TTC27: variants seen among roughly 807,000 people sequenced by gnomAD.
The protein encoded by TTC27 is tetratricopeptide repeat domain 27.
Under a neutral mutation model 115.9 loss-of-function variants are expected in TTC27, and 79 were observed. That is an observed-to-expected ratio of 0.68 (90% CI 0.57 to 0.82). The LOEUF (loss-of-function observed/expected upper bound fraction) is 0.82. TTC27 is among the 40% of genes least tolerant of loss of function. The pLI is 0.00. For synonymous variants in TTC27, 401 were observed against 356.0 expected (o/e 1.13, Z -1.42); for missense variants, 1,054 against 993.1 (o/e 1.06, Z -0.82).
At position 32,786,969 on chromosome 2, in the gene TTC27, T is replaced by G; in HGVS notation, c.1833-15T>G. ...GAGTTCATTATTGCTCTCTTTAAAATTTGACCTTCAATAGAGTAAAAGCTT... is the reference window on the plus strand; with the variant it reads ...GAGTTCATTATTGCTCTCTTTAAAAGTTGACCTTCAATAGAGTAAAAGCTT... On this transcript the variant is annotated splice_polypyrimidine_tract_variant and intron_variant, in intron 15 of 19. Transcript: ENST00000317907. 1 of 1,594,162 alleles carries G rather than the reference T, an allele frequency of 6.3e-7. No individual in the cohort carries two copies. Among genetic ancestry groups the G allele is most frequent in the Non-Finnish European group, 8.5e-7 (1 of 1,174,262 alleles).
intron 16 of TTC27, among the ~76,000 whole-genome samples, chr2:32,796,797 C>CA (rs1670715977): frequency 6.6e-6 from 1 of 152,142 alleles, no homozygotes; most frequent in Admixed American, 6.5e-5. Context: ...GGCATAAAGA[C>CA]AGACATACAG....
intron 5 of TTC27, among the ~76,000 whole-genome samples, chr2:32,651,432 C>T (rs1328377348): frequency 2.6e-5 from 4 of 152,098 alleles, no homozygotes; most frequent in South Asian, 4.1e-4. Flanking sequence ...CTGCAACCTC[C>T]GCCTCCCGGG....
intron 5 of TTC27, among the ~76,000 whole-genome samples, chr2:32,653,842 A>G (rs1665223038): frequency 6.6e-6 from 1 of 152,190 alleles, no homozygotes; most frequent in Non-Finnish European, 1.5e-5. Context: ...AAGGTCACAA[A>G]TATTCATTTC....
At chr2:32,800,989 C>CA (rs1670912343) in intron 16 of TTC27, among the ~76,000 whole-genome samples, 1 of 152,314 alleles carries the variant, frequency 6.6e-6, no homozygotes, top group African/African-American at 2.4e-5. Context: ...AAAACTTACT[C>CA]ACGTGCAAAA....
chr2:32,778,272 T>C (rs1670065190), intron 14 of TTC27, among the ~76,000 whole-genome samples: 1 of 152,246 alleles, frequency 6.6e-6, no homozygotes, highest in East Asian at 1.9e-4. Context: ...CCTGCCTATG[T>C]TAATTGCATT....
intron 9 of TTC27, among the ~76,000 whole-genome samples, chr2:32,694,674 CTTTT>C (rs200028307): frequency 7.4e-6 from 1 of 135,548 alleles, no homozygotes. Flanking sequence ...ATTCCTATTT[CTTTT>C]TTTTTTTTTT....
At chr2:32,670,876 C>T (rs1346747829) in intron 7 of TTC27, among the ~76,000 whole-genome samples, 1 of 149,730 alleles carries the variant, frequency 6.7e-6, no homozygotes, top group East Asian at 1.9e-4. Flanking sequence ...ACCTTGGCCT[C>T]CTAAAGTGCT....
intron 9 of TTC27, 105 bp downstream of exon 9, chr2:32,679,027 G>T: frequency 2.2e-6 from 2 of 915,710 alleles, no homozygotes; most frequent in Non-Finnish European, 1.7e-6. Context: ...TGCCACCTAA[G>T]GAAATAAGGT....
At chr2:32,790,275 T>G (rs143656734) in intron 16 of TTC27, among the ~76,000 whole-genome samples, 1,552 of 151,790 alleles carry the variant, frequency 0.01, 7 homozygotes, top group Middle Eastern at 0.048. Flanking sequence ...ATTAAATTTT[T>G]TTTTTGTGTG....
chr2:32,766,881 G>A (rs1424954464), intron 13 of TTC27, among the ~76,000 whole-genome samples: 1 of 152,082 alleles, frequency 6.6e-6, no homozygotes, highest in Non-Finnish European at 1.5e-5. Context: ...CATCTCCCGG[G>A]TTCAAGCAAT....
rs1040710202 is a variant in TTC27, at chr2:32,672,347, C to A, written c.1015C>A (p.Leu339Met). 2 of 1,613,876 alleles carry A rather than the reference C, an allele frequency of 1.2e-6. No homozygotes were observed. The highest frequency in any genetic ancestry group is 1.7e-6 in the Non-Finnish European group (2 of 1,179,864). Residue 339 changes from leucine to methionine, a missense_variant, in exon 8 of 20, where the codon CTG (leucine) becomes ATG (methionine). Leu to Met is a conservative substitution (Grantham distance 15). Coordinates refer to ENST00000317907, the MANE Select transcript of TTC27 (RefSeq NM_017735.5). ...TTGTGAACAGTTCCAGATGCCGGAT[C>A]TGTGTGCTGAAGAGATCGCTATTAT... ...ADCEQFQMPD[L>M]CAEEIAIILG...
chr2:32,653,474 A>G (rs1665205906), intron 5 of TTC27, among the ~76,000 whole-genome samples: 1 of 151,936 alleles, frequency 6.6e-6, no homozygotes, highest in South Asian at 2.1e-4. Flanking sequence ...TGTGCCTGTA[A>G]TCCCAGCTAC....
intron 5 of TTC27, 120 bp downstream of exon 5, chr2:32,650,353 CTTTTTTTT>C (rs368973893): frequency 2.7e-3 from 575 of 212,288 alleles, no homozygotes; most frequent in Middle Eastern, 6.0e-3. Context: ...TGAGTTGTTT[CTTTTTTTT>C]TTTTTTTTTT....
At chr2:32,778,671 C>G (rs1670077336) in intron 14 of TTC27, among the ~76,000 whole-genome samples, 1 of 152,154 alleles carries the variant, frequency 6.6e-6, no homozygotes, top group South Asian at 2.1e-4. Flanking sequence ...TGCTTCAGTA[C>G]TTTGTTCCTT....
intron 13 of TTC27, among the ~76,000 whole-genome samples, chr2:32,774,257 C>T (rs1163447262): frequency 6.6e-6 from 1 of 150,506 alleles, no homozygotes; most frequent in East Asian, 2.0e-4. Context: ...TTGTGGCTCA[C>T]TGCAACCTCC....
intron 13 of TTC27, among the ~76,000 whole-genome samples, chr2:32,764,459 C>T (rs1440961295): frequency 6.6e-6 from 1 of 152,080 alleles, no homozygotes; most frequent in Non-Finnish European, 1.5e-5. Flanking sequence ...AAAAAAAATG[C>T]TAATGATTAT....
At chr2:32,656,046 A>C (rs1369888631) in intron 5 of TTC27, among the ~76,000 whole-genome samples, 1 of 152,062 alleles carries the variant, frequency 6.6e-6, no homozygotes. Context: ...ATTGAACAAC[A>C]CTGCTATTGA....
intron 13 of TTC27, among the ~76,000 whole-genome samples, chr2:32,763,989 A>C (rs1249465035): frequency 6.6e-6 from 1 of 152,092 alleles, no homozygotes; most frequent in East Asian, 1.9e-4. Context: ...TCCTGTTAAC[A>C]CTCTACTTTT....
Position 32,702,891 on chromosome 2 carries a change from C to T in TTC27, c.1204C>T (p.Arg402Ter), listed in dbSNP as rs370926060. The change falls in exon 10 of 20, where the codon CGA becomes TGA. Residue 402 changes from arginine to a stop codon, truncating the protein, a stop_gained. Transcript: ENST00000317907. LOFTEE classifies it high-confidence loss of function. ...AAAACTTGAGAAAGGAAGTACTCGC[C>T]GAGTGGAACGGGCAATGAGGCAGAC... is the stretch of plus-strand genomic sequence containing the variant. ...RTKLEKGSTRRVERAMRQTQA... is the reference protein window; with the variant it reads ...RTKLEKGSTR The T allele has an allele frequency of 1.5e-5, 25 of 1,613,820 alleles. No individual in the cohort carries two copies. The highest frequency in any genetic ancestry group is 2.1e-5 in the Non-Finnish European group (25 of 1,179,942).
Sources: gnomAD v4.1 joint callset for allele counts (sites outside exome capture counted in the v4.1 genomes callset) on GRCh38, gnomAD v4.1.1 for gene constraint, MANE v1.5 for transcripts, NCBI Gene and HGNC (gene_info 2026-07-23, HGNC 2026-07-21) for gene names.